The following MBNL2 variants were observed in gnomAD, a reference collection of about 807,000 sequenced individuals.
MBNL2 encodes muscleblind like splicing regulator 2.
A neutral mutation model predicts 41.9 loss-of-function variants in MBNL2; 17 were observed. That is an observed-to-expected ratio of 0.41 (90% CI 0.28 to 0.61). The LOEUF (loss-of-function observed/expected upper bound fraction) is 0.61. Ranked by LOEUF, MBNL2 falls within the 20% of genes least tolerant of loss-of-function variation. MBNL2 has a pLI of 0.35. For synonymous variants in MBNL2, 195 were observed against 182.9 expected, an observed-to-expected ratio of 1.07 and a Z score of -0.53; for missense variants, 336 against 505.6, an observed-to-expected ratio of 0.66 and a Z score of 3.22.
At chr13:97,166,841 A>AAGAAAGAAAGAAAGAT in the MBNL2 span, among the ~76,000 whole-genome samples, 2 of 114,358 alleles carry the variant, frequency 1.7e-5, no homozygotes, top group East Asian at 5.4e-4. Context: ...GATAGATAGA[A>AAGAAAGAAAGAAAGAT]AGATAGATAG....
intron 1 of MBNL2, among the ~76,000 whole-genome samples, chr13:97,232,886 TGTGTGC>T (rs1242585929): frequency 8.9e-5 from 13 of 146,664 alleles, no homozygotes; most frequent in Non-Finnish European, 9.0e-5. Flanking sequence ...TGTGTGTGTG[TGTGTGC>T]GCACGTACAC....
At chr13:97,247,213 G>C (rs1210949629) in intron 1 of MBNL2, among the ~76,000 whole-genome samples, 8 of 152,178 alleles carry the variant, frequency 5.3e-5, no homozygotes, top group Admixed American at 5.2e-4. Flanking sequence ...AGATTGTCTA[G>C]TATGTTTCTT....
intron 1 of MBNL2, among the ~76,000 whole-genome samples, chr13:97,253,161 G>C (rs1221477426): frequency 6.6e-6 from 1 of 152,154 alleles, no homozygotes; most frequent in African/African-American, 2.4e-5. Flanking sequence ...TTACACATCA[G>C]TTTCCTGCTG....
At chr13:97,159,155 CTTCT>C in the MBNL2 span, among the ~76,000 whole-genome samples, 1 of 152,014 alleles carries the variant, frequency 6.6e-6, no homozygotes, top group African/African-American at 2.4e-5. Context: ...ATGTAATGGC[CTTCT>C]TTGTCTCTTT....
At chr13:97,270,442 G>A (rs898387121) in intron 1 of MBNL2, among the ~76,000 whole-genome samples, 3 of 151,688 alleles carry the variant, frequency 2.0e-5, no homozygotes, top group African/African-American at 7.3e-5. Flanking sequence ...AATTTTCATT[G>A]GCAGTACTCC....
At chr13:97,195,178 G>A in the MBNL2 span, among the ~76,000 whole-genome samples, 3 of 152,132 alleles carry the variant, frequency 2.0e-5, no homozygotes, top group Non-Finnish European at 2.9e-5. Flanking sequence ...GCGACCTCTC[G>A]ATGGAACATC....
the MBNL2 span, among the ~76,000 whole-genome samples, chr13:97,155,995 T>C: frequency 3.3e-5 from 4 of 120,168 alleles, no homozygotes; most frequent in Admixed American, 1.8e-4. Context: ...ATGGTTGAAC[T>C]AGTTTACAGT....
At chr13:97,266,105 G>T (rs1198082965) in intron 1 of MBNL2, among the ~76,000 whole-genome samples, 1 of 152,108 alleles carries the variant, frequency 6.6e-6, no homozygotes, top group Admixed American at 6.5e-5. Context: ...AGCCAGGCTT[G>T]GTGGCAGGTG....
chr13:97,217,327 G>A (rs1415245437), upstream of MBNL2, among the ~76,000 whole-genome samples: 2 of 152,122 alleles, frequency 1.3e-5, no homozygotes, highest in Non-Finnish European at 2.9e-5. Flanking sequence ...TCTAGGCACT[G>A]GGGATAAACT....
chr13:97,271,363 C>T (rs2050959858), intron 1 of MBNL2, among the ~76,000 whole-genome samples: 1 of 151,972 alleles, frequency 6.6e-6, no homozygotes, highest in Non-Finnish European at 1.5e-5. Context: ...CCATCTTGGC[C>T]TCCCAAAGTG....
chr13:97,362,761 G>T (rs2063515880), intron 7 of MBNL2, among the ~76,000 whole-genome samples: 1 of 152,144 alleles, frequency 6.6e-6, no homozygotes, highest in Non-Finnish European at 1.5e-5. Flanking sequence ...ATGGAAGCAG[G>T]AAGACCACTT....
At chr13:97,215,086 C>T in the MBNL2 span, among the ~76,000 whole-genome samples, 6 of 152,340 alleles carry the variant, frequency 3.9e-5, no homozygotes, top group East Asian at 3.9e-4. Flanking sequence ...CCATCTCCAA[C>T]GCTTGGAGGA....
chr13:97,215,435 C>T, the MBNL2 span, among the ~76,000 whole-genome samples: 1 of 152,160 alleles, frequency 6.6e-6, no homozygotes, highest in Non-Finnish European at 1.5e-5. Flanking sequence ...TCAATAGAAT[C>T]ACACTTTGTT....
intron 7 of MBNL2, among the ~76,000 whole-genome samples, chr13:97,358,785 GT>G (rs1375386163): frequency 6.6e-6 from 1 of 152,098 alleles, no homozygotes; most frequent in African/African-American, 2.4e-5. Context: ...AACAAAAAGA[GT>G]TTTTTGATTC....
the MBNL2 span, among the ~76,000 whole-genome samples, chr13:97,174,749 A>T: frequency 6.6e-6 from 1 of 152,174 alleles, no homozygotes; most frequent in Non-Finnish European, 1.5e-5. Flanking sequence ...TTATCTCAGC[A>T]TCAGAAGGTT....
intron 1 of MBNL2, among the ~76,000 whole-genome samples, chr13:97,241,887 G>A (rs1424823150): frequency 6.6e-6 from 1 of 152,128 alleles, no homozygotes; most frequent in East Asian, 1.9e-4. Context: ...CCTGGTTTGA[G>A]ATAACTGTGC....
In MBNL2 at chr13:97,392,064, CCAAA is replaced by C. The variant is rs1040431067; in HGVS notation, c.*620_*623del. 3.9e-5 allele frequency: 6 copies of C among 152,560 alleles called. No homozygotes were observed. Among genetic ancestry groups the C allele is most frequent in the African/African-American group, 1.2e-4 (5 of 41,428 alleles). The allele number at this position is 152,560 out of a possible 1,614,324, so 9.5% of individuals were successfully genotyped here. On this transcript the variant is annotated 3_prime_UTR_variant, in exon 9 of 9. Transcript: ENST00000679496. Reference sequence around the variant, plus strand: ...TGCACGGTATGAGCTTCATACCCCACCAAACAAAGTCTTGAAGGTATTATTTTAC... The same window carrying C: ...TGCACGGTATGAGCTTCATACCCCACCAAAGTCTTGAAGGTATTATTTTAC...
the MBNL2 span, among the ~76,000 whole-genome samples, chr13:97,166,793 TA>T: frequency 7.6e-6 from 1 of 131,362 alleles, no homozygotes; most frequent in East Asian, 2.2e-4. Flanking sequence ...GATAGATAGA[TA>T]GATAGATAGA....
intron 2 of MBNL2, among the ~76,000 whole-genome samples, chr13:97,277,531 G>T (rs1396471667): frequency 6.6e-6 from 1 of 152,078 alleles, no homozygotes; most frequent in African/African-American, 2.4e-5. Flanking sequence ...GGATAATTTT[G>T]TCTTAAGTAA....
Sources: allele counts gnomAD v4.1 joint callset (sites outside exome capture counted in the v4.1 genomes callset), GRCh38; gene constraint gnomAD v4.1.1; transcripts MANE v1.5; gene names NCBI Gene and HGNC (gene_info 2026-07-23, HGNC 2026-07-21).